Variants in C1QTNF1 observed in about 807,000 individuals in gnomAD.
C1QTNF1 encodes C1q and TNF related 1, also known as complement C1q tumor necrosis factor-related protein 1.
Under a neutral mutation model 27.8 loss-of-function variants are expected in C1QTNF1, and 22 were observed. The ratio of observed to expected loss-of-function variants is 0.79; its 90% CI spans 0.56 to 1.13. C1QTNF1 has a LOEUF of 1.13. Ranked by LOEUF, C1QTNF1 falls within the 50% of genes most tolerant of loss-of-function variation. C1QTNF1 has a pLI of 0.00. For missense variants in C1QTNF1, 373 were observed against 380.2 expected, an observed-to-expected ratio of 0.98 and a Z score of 0.16; for synonymous variants, 166 against 154.3, an observed-to-expected ratio of 1.08 and a Z score of -0.56.
At chr17:79,042,132 T>C (rs2072427208) in intron 1 of C1QTNF1, among the ~76,000 whole-genome samples, 1 of 152,220 alleles carries the variant, frequency 6.6e-6, no homozygotes, top group South Asian at 2.1e-4. Context: ...CCACGGGGCC[T>C]GCGACATTTC....
intron 1 of C1QTNF1, among the ~76,000 whole-genome samples, chr17:79,038,198 CA>C (rs1302419604): frequency 1.3e-5 from 2 of 152,070 alleles, no homozygotes; most frequent in Non-Finnish European, 2.9e-5. Context: ...CCATGTTGGC[CA>C]GGCTGGTCTT....
At chr17:79,040,204 A>T (rs1298470996) in intron 1 of C1QTNF1, among the ~76,000 whole-genome samples, 1 of 152,198 alleles carries the variant, frequency 6.6e-6, no homozygotes, top group East Asian at 1.9e-4. Context: ...GCCCACCTAT[A>T]ATCCCAGTAC....
intron 1 of C1QTNF1, chr17:79,043,731 G>A (rs1303414955): frequency 1.5e-6 from 1 of 646,770 alleles, no homozygotes; most frequent in Admixed American, 2.1e-5. Flanking sequence ...GTGTGTGCAT[G>A]TGCGTGTGTG....
intron 1 of C1QTNF1, among the ~76,000 whole-genome samples, chr17:79,040,406 A>G (rs1456704743): frequency 6.6e-6 from 1 of 152,006 alleles, no homozygotes; most frequent in Non-Finnish European, 1.5e-5. Flanking sequence ...TTGAGGCTAC[A>G]GGGAGGCAGA....
chr17:79,039,856 T>C (rs961121254), intron 1 of C1QTNF1, among the ~76,000 whole-genome samples: 1 of 151,910 alleles, frequency 6.6e-6, no homozygotes, highest in African/African-American at 2.4e-5. Context: ...TGTGTATGTG[T>C]ATATATAAAA....
chr17:79,026,939 T>C (rs2071980459), intron 1 of C1QTNF1, among the ~76,000 whole-genome samples: 1 of 152,212 alleles, frequency 6.6e-6, no homozygotes, highest in Non-Finnish European at 1.5e-5. Context: ...CCAGCTGTAA[T>C]TAGCATGACT....
At chr17:79,036,510 G>A (rs911765189) in intron 1 of C1QTNF1, among the ~76,000 whole-genome samples, 10 of 152,068 alleles carry the variant, frequency 6.6e-5, no homozygotes, top group Non-Finnish European at 1.3e-4. Context: ...CTTGAAATGC[G>A]GCTAGTGTAG....
At chr17:79,027,213 C>A (rs1003706881) in intron 1 of C1QTNF1, among the ~76,000 whole-genome samples, 1 of 152,096 alleles carries the variant, frequency 6.6e-6, no homozygotes, top group Non-Finnish European at 1.5e-5. Flanking sequence ...CAATCAGTAG[C>A]CTCTAGAGAT....
intron 1 of C1QTNF1, among the ~76,000 whole-genome samples, chr17:79,035,913 A>C (rs1185345113): frequency 6.6e-6 from 1 of 152,224 alleles, no homozygotes; most frequent in Non-Finnish European, 1.5e-5. Flanking sequence ...CCTGGAGGGC[A>C]TCTGATACAG....
chr17:79,039,134 A>G (rs2072335744), intron 1 of C1QTNF1, among the ~76,000 whole-genome samples: 2 of 152,278 alleles, frequency 1.3e-5, no homozygotes, highest in African/African-American at 4.8e-5. Flanking sequence ...TAGACTAGAA[A>G]GAGATAGACC....
At chr17:79,031,655 G>T (rs1181355835) in intron 1 of C1QTNF1, among the ~76,000 whole-genome samples, 2 of 151,754 alleles carry the variant, frequency 1.3e-5, no homozygotes, top group African/African-American at 4.8e-5. Context: ...TGTCGGCCAG[G>T]CTGGTCTTGA....
At chr17:79,038,569 G>C (rs1269114523) in intron 1 of C1QTNF1, among the ~76,000 whole-genome samples, 1 of 152,210 alleles carries the variant, frequency 6.6e-6, no homozygotes, top group East Asian at 1.9e-4. Flanking sequence ...TAAAGAGCTT[G>C]AGTCATGCTG....
At chr17:79,040,070 G>A (rs1290214986) in intron 1 of C1QTNF1, among the ~76,000 whole-genome samples, 1 of 152,186 alleles carries the variant, frequency 6.6e-6, no homozygotes, top group Admixed American at 6.5e-5. Context: ...TCAGGGTGCT[G>A]CAGGATGCTT....
Position 79,044,021 on chromosome 17 carries a change from T to C in C1QTNF1, c.53T>C (p.Phe18Ser), listed in dbSNP as rs774267448. Reference protein sequence around the residue: ...LLLAYCLLLAFASGLVLSRVP... With the variant: ...LLLAYCLLLASASGLVLSRVP... ...CTGGCGTACTGCCTGCTCCTTGCCT[T>C]TGCCTCTGGCCTGGTCCTGAGTCGT... is the stretch of plus-strand genomic sequence containing the variant. The change falls in exon 2 of 4, where the codon TTT becomes TCT. Residue 18 changes from phenylalanine to serine, a missense_variant. By Grantham distance (155) the Phe-to-Ser change is radical (BLOSUM62 -2). Transcript: ENST00000579760. The C allele has an allele frequency of 3.1e-6, 5 of 1,614,040 alleles. No individual in the cohort carries two copies. The Admixed American group carries it at 8.3e-5, about 27-fold the overall frequency.
At chr17:79,027,604 G>A (rs1310019160) in intron 1 of C1QTNF1, 2 of 152,260 alleles carry the variant, frequency 1.3e-5, no homozygotes, top group Non-Finnish European at 2.9e-5. Context: ...CCTCCTTCCC[G>A]AGCCCCGCAG....
chr17:79,048,038 A>AT lies in C1QTNF1; in HGVS notation c.796_797insT (p.Thr266IlefsTer35). The stretch of plus-strand genomic sequence containing the variant: ...CGCCATCTTCAGCGAGGAGCTGGAC[A>AT]CCTACATCACCTTCAGTGGCTACCT... On this transcript the variant is annotated frameshift_variant, in exon 4 of 4. Transcript: ENST00000579760. LOFTEE classifies it high-confidence loss of function. 2 of 1,592,592 alleles carry AT rather than the reference A, an allele frequency of 1.3e-6. No homozygotes were observed. Among genetic ancestry groups the AT allele is most frequent in the Non-Finnish European group, 1.7e-6 (2 of 1,171,810 alleles).
rs527321770 is a variant in C1QTNF1 at position 79,025,885 on chromosome 17, CCATCATCATCAT to C, written c.-15+1397_-15+1408del. ...ACAACAACAGTGGCAATCATCATCA[CCATCATCATCAT>C]CATCACCATCATCATCATCATCATG... On this transcript the variant is annotated intron_variant, in intron 1 of 3. Coordinates refer to ENST00000579760, the MANE Select transcript of C1QTNF1 (RefSeq NM_030968.5). 5.1e-3 allele frequency: 2,210 copies of C among 430,730 alleles called. 32 individuals carry two copies. The highest frequency in any genetic ancestry group is 0.041 in the African/African-American group (2,037 of 49,660). 26.7% of individuals were successfully genotyped at this position (430,730 alleles called of 1,614,324 possible). A position where few individuals can be genotyped will look rare whatever the true frequency, so the allele number is the denominator to read the frequency against.
Position 79,047,622 on chromosome 17 carries a change from C to T in C1QTNF1, c.380C>T (p.Pro127Leu). The change falls in exon 4 of 4, where the codon CCC (proline) becomes CTC (leucine). Residue 127 changes from proline to leucine, a missense_variant. Coordinates refer to ENST00000579760, the MANE Select transcript of C1QTNF1 (RefSeq NM_030968.5). The stretch of plus-strand genomic sequence containing the variant: ...GCAGGGGCCAGGGGCCACACTGGAC[C>T]CAAAGGGCAGAAGGGCTCCATGGGG... ...GSAGARGHTG[P>L]KGQKGSMGAP... The T allele has an allele frequency of 6.3e-7, 1 of 1,591,486 alleles. No individual in the cohort carries two copies. Among genetic ancestry groups the T allele is most frequent in the Non-Finnish European group, 8.6e-7 (1 of 1,167,226 alleles).
At chr17:79,023,883 T>A (rs1294814813), upstream of C1QTNF1, among the ~76,000 whole-genome samples, 1 of 152,188 alleles carries the variant, frequency 6.6e-6, no homozygotes, top group Non-Finnish European at 1.5e-5. Context: ...GCCTTGGGGC[T>A]CATCCCTCTG....
Sources: allele counts gnomAD v4.1 joint callset (sites outside exome capture counted in the v4.1 genomes callset), GRCh38; gene constraint gnomAD v4.1.1; transcripts MANE v1.5; gene names NCBI Gene and HGNC (gene_info 2026-07-23, HGNC 2026-07-21).